PDE2A: variants seen among roughly 807,000 people sequenced by gnomAD.
The protein encoded by PDE2A is phosphodiesterase 2A.
In PDE2A, 53 loss-of-function variants were observed where a neutral mutation model predicts 133.6. That is an observed-to-expected ratio of 0.40 (90% CI 0.32 to 0.50). The LOEUF is 0.50. Among genes scored for constraint, PDE2A ranks in the 20% least tolerant of loss-of-function variants. PDE2A has a pLI of 0.73. For synonymous variants in PDE2A, 491 were observed against 490.2 expected, an observed-to-expected ratio of 1.00 and a Z score of -0.02; for missense variants, 796 against 1,232.4, an observed-to-expected ratio of 0.65 and a Z score of 5.30.
chr11:72,608,666 C>G lies in PDE2A; in HGVS notation c.230G>C (p.Arg77Pro). 6.5e-7 allele frequency: 1 copy of G among 1,544,082 alleles called. No homozygotes were observed. Residue 77 changes from arginine (R) to proline (P), a missense_variant, in exon 3 of 31, where the codon CGA (arginine) becomes CCA (proline). Arg to Pro is a moderately radical substitution (Grantham distance 103). Coordinates refer to ENST00000334456, the MANE Select transcript of PDE2A (RefSeq NM_002599.5). ...GGGGCAAGGGCGGGCACCTACCACT[C>G]GGGGGAGCACAGCTGACAGGGCCTC... ...VKEALSAVLPRVETVYTYLLD... is the reference protein window; with the variant it reads ...VKEALSAVLPPVETVYTYLLD...
At chr11:72,631,196 C>T in intron 2 of PDE2A, 1 of 1,397,516 alleles carries the variant, frequency 7.2e-7, no homozygotes, top group Non-Finnish European at 9.7e-7. Flanking sequence ...CCCTTCTCCC[C>T]AGACTGTCCT....
At chr11:72,602,122 G>T (rs1856772350) in intron 4 of PDE2A, among the ~76,000 whole-genome samples, 1 of 152,192 alleles carries the variant, frequency 6.6e-6, no homozygotes, top group Admixed American at 6.5e-5. Flanking sequence ...ATTACAATGG[G>T]ATTGGCTGAG....
chr11:72,593,140 TCA>T (rs565053735), intron 6 of PDE2A, among the ~76,000 whole-genome samples: 3 of 150,552 alleles, frequency 2.0e-5, no homozygotes, highest in African/African-American at 7.4e-5. Flanking sequence ...CGTCAGGCCC[TCA>T]CACACATGCA....
chr11:72,642,317 C>T lies in PDE2A; in HGVS notation c.81G>A (p.Gln27=), dbSNP rs767823792. 296 of 1,539,450 alleles carry T rather than the reference C, an allele frequency of 1.9e-4. No homozygotes were observed. Among genetic ancestry groups the T allele is most frequent in the Non-Finnish European group, 2.5e-4 (288 of 1,145,800 alleles). Reference sequence around the variant, plus strand: ...GCTCGTCCGGCTTGAGGAAGACCTGCTGGCCCCGCCTGAGGAATTGGACAA... The same window carrying T: ...GCTCGTCCGGCTTGAGGAAGACCTGTTGGCCCCGCCTGAGGAATTGGACAA... ...PAARPAEPRG[Q]QVFLKPDEPP... Residue 27 remains glutamine, a synonymous_variant, in exon 2 of 31, where the codon CAG becomes CAA. Transcript: ENST00000334456.
In PDE2A at chr11:72,597,091, G is replaced by A. The variant is rs1395404033; in HGVS notation, c.433+419C>T. On this transcript the variant is annotated intron_variant, in intron 5 of 30. Transcript: ENST00000334456. This position sits in a 1 kb window ranked among gnomAD's most constrained non-coding sequence, Gnocchi z 4.6. ...GACACGAGGCAGAGAGGGACATGGC[G>A]GACAGGAGGCATGGAGGAGAAGAAA... Among the ~76,000 whole-genome samples the A allele has an allele frequency of 2.0e-5, 3 of 152,066 alleles. No individual in the cohort carries two copies. The highest frequency in any genetic ancestry group is 1.3e-4 in the Admixed American group (2 of 15,268).
intron 16 of PDE2A, 64 bp from the exon 17 acceptor site, chr11:72,585,008 A>T: frequency 6.6e-7 from 1 of 1,514,912 alleles, no homozygotes; most frequent in South Asian, 1.1e-5. Flanking sequence ...CTCACGTCCC[A>T]TAAGGAGGCA....
At chr11:72,602,959 C>T (rs1233897491) in intron 4 of PDE2A, among the ~76,000 whole-genome samples, 1 of 152,246 alleles carries the variant, frequency 6.6e-6, no homozygotes, top group Non-Finnish European at 1.5e-5. Context: ...CACCAGACAC[C>T]AGGCACAAAG....
At chr11:72,585,815 T>C (rs1257376026) in intron 14 of PDE2A, among the ~76,000 whole-genome samples, 1 of 152,216 alleles carries the variant, frequency 6.6e-6, no homozygotes, top group Admixed American at 6.5e-5. Context: ...CTCAGCCGCC[T>C]TCACGCCAGC....
At chr11:72,621,830 C>G (rs1244536567) in intron 2 of PDE2A, 3 of 151,856 alleles carry the variant, frequency 2.0e-5, no homozygotes, top group Non-Finnish European at 2.9e-5. Context: ...AAGCTCCCCC[C>G]ACCAAAAAAA....
intron 1 of PDE2A, among the ~76,000 whole-genome samples, chr11:72,643,846 C>T (rs1202178120): frequency 6.6e-6 from 1 of 152,190 alleles, no homozygotes; most frequent in Admixed American, 6.5e-5. Context: ...GTTTCTCCCA[C>T]CTTTCTTTCT....
At chr11:72,635,369 C>T (rs904906625) in intron 2 of PDE2A, among the ~76,000 whole-genome samples, 4 of 152,198 alleles carry the variant, frequency 2.6e-5, no homozygotes, top group African/African-American at 2.4e-5. Flanking sequence ...TGAACATTGA[C>T]ATTAACAAGG....
At chr11:72,636,863 C>T (rs1858721150) in intron 2 of PDE2A, among the ~76,000 whole-genome samples, 2 of 152,182 alleles carry the variant, frequency 1.3e-5, no homozygotes, top group African/African-American at 2.4e-5. Context: ...CTGTCATATC[C>T]GTTCTCTCAA....
chr11:72,617,129 G>A (rs1327571460), intron 2 of PDE2A, among the ~76,000 whole-genome samples: 2 of 152,226 alleles, frequency 1.3e-5, no homozygotes, highest in African/African-American at 4.8e-5. Flanking sequence ...GCCAGGGGAT[G>A]GGCTGAGCCC....
chr11:72,646,272 C>T (rs1859125069), intron 1 of PDE2A, among the ~76,000 whole-genome samples: 1 of 152,232 alleles, frequency 6.6e-6, no homozygotes, highest in Admixed American at 6.5e-5. Flanking sequence ...CAGGCCCTGT[C>T]TAGGAACCAG....
intron 1 of PDE2A, among the ~76,000 whole-genome samples, chr11:72,654,904 A>C (rs2135451876): frequency 2.1e-5 from 3 of 139,776 alleles, no homozygotes; most frequent in South Asian, 2.6e-4. Flanking sequence ...ATCCCCAACC[A>C]CCATAGGGTG....
At position 72,588,890 on chromosome 11, in the gene PDE2A, T is replaced by C; in HGVS notation, c.964A>G (p.Met322Val). ...TSEDVQQLQS[M>V]LGCELQAMLC... is the part of the protein sequence containing the mutation. ...ATGGCCTGCAGCTCACAGCCCAACA[T>C]GCTCTGCAGCTGTTGTACATCCTCC... Residue 322 changes from methionine (M) to valine (V), a missense_variant, in exon 13 of 31, where the codon ATG (methionine) becomes GTG (valine). Physicochemically the swap from Met to Val is conservative, Grantham distance 21. This residue lies in a region of PDE2A where 417 missense variants were observed against 475.3 expected (regional missense o/e 0.88). Coordinates refer to ENST00000334456, the MANE Select transcript of PDE2A (RefSeq NM_002599.5). The C allele has an allele frequency of 6.2e-7, 1 of 1,608,506 alleles. No individual in the cohort carries two copies. Among genetic ancestry groups the C allele is most frequent in the Non-Finnish European group, 8.5e-7 (1 of 1,175,964 alleles).
At chr11:72,641,509 G>C (rs1275704212) in intron 2 of PDE2A, among the ~76,000 whole-genome samples, 1 of 152,192 alleles carries the variant, frequency 6.6e-6, no homozygotes, top group African/African-American at 2.4e-5. Flanking sequence ...TGGGCACATG[G>C]GGCAACAGAC....
chr11:72,577,551 G>T lies in PDE2A; in HGVS notation c.2659C>A (p.Arg887Ser), dbSNP rs1333148077. The change falls in exon 31 of 31, where the codon CGC becomes AGC. Residue 887 changes from arginine (R) to serine (S), a missense_variant. Around this residue, in one of 7 missense-constraint regions of PDE2A, gnomAD observed 83 missense variants for 99.0 expected, o/e 0.84. Coordinates refer to ENST00000334456, the MANE Select transcript of PDE2A (RefSeq NM_002599.5). ...LFPKAAELYERVASNREHWTK... is the reference protein window; with the variant it reads ...LFPKAAELYESVASNREHWTK... ...CAGTGCTCACGGTTGGAGGCCACGC[G>T]CTCGTACAGCTCTGCCGCTTTGGGG... The T allele has an allele frequency of 1.2e-6, 2 of 1,608,762 alleles. No individual in the cohort carries two copies. The highest frequency in any genetic ancestry group is 1.1e-5 in the South Asian group (1 of 91,084).
At chr11:72,622,916 A>G (rs944638127) in intron 2 of PDE2A, among the ~76,000 whole-genome samples, 3 of 152,234 alleles carry the variant, frequency 2.0e-5, no homozygotes, top group African/African-American at 7.2e-5. Flanking sequence ...ATAGGGGGCA[A>G]GAGAGGAAGA....
Sources: gnomAD v4.1 joint callset for allele counts (sites outside exome capture counted in the v4.1 genomes callset) on GRCh38, gnomAD v4.1.1 for gene constraint, gnomAD v4.1.1 regional missense constraint, Gnocchi (gnomAD v3.1) non-coding constraint, MANE v1.5 for transcripts, NCBI Gene and HGNC (gene_info 2026-07-23, HGNC 2026-07-21) for gene names.